Variants in GPHN observed in about 807,000 individuals in gnomAD.
The protein encoded by GPHN is gephyrin.
In GPHN, 17 loss-of-function variants were observed where a neutral mutation model predicts 95.5. That is an observed-to-expected ratio of 0.18 (90% CI 0.12 to 0.27). GPHN has a LOEUF of 0.27. Ranked by LOEUF, GPHN falls within the 10% of genes least tolerant of loss-of-function variation. GPHN has a pLI of 1.00. For missense variants in GPHN, 660 were observed against 978.1 expected (o/e 0.67, Z 4.34); for synonymous variants, 320 against 322.5 (o/e 0.99, Z 0.08).
chr14:67,123,791 TTA>T (rs2079139971), intron 17 of GPHN, among the ~76,000 whole-genome samples: 2 of 152,108 alleles, frequency 1.3e-5, no homozygotes, highest in Non-Finnish European at 2.9e-5. Flanking sequence ...TCTTAAAACA[TTA>T]TGAGATTTTT....
intron 18 of GPHN, among the ~76,000 whole-genome samples, chr14:67,144,521 G>A (rs2080782873): frequency 6.6e-6 from 1 of 151,664 alleles, no homozygotes; most frequent in African/African-American, 2.4e-5. Context: ...AGTGTAAAAT[G>A]TTTTGCCAGC....
the GPHN span, among the ~76,000 whole-genome samples, chr14:67,439,306 TGTA>T: frequency 2.6e-5 from 4 of 152,198 alleles, no homozygotes; most frequent in East Asian, 7.7e-4. Context: ...ATTTTCCTCT[TGTA>T]GTAGTTGTAG....
chr14:67,560,246 C>T, the GPHN span, among the ~76,000 whole-genome samples: 4 of 152,018 alleles, frequency 2.6e-5, no homozygotes, highest in African/African-American at 4.8e-5. Flanking sequence ...AGGCTGGTCT[C>T]GAACTCCTGA....
At chr14:67,551,887 G>T in the GPHN span, among the ~76,000 whole-genome samples, 1 of 151,682 alleles carries the variant, frequency 6.6e-6, no homozygotes, top group African/African-American at 2.4e-5. Context: ...AAAAAAAAAA[G>T]AATGTTGAAC....
chr14:66,850,837 G>T (rs892118296), intron 4 of GPHN, among the ~76,000 whole-genome samples: 2 of 152,046 alleles, frequency 1.3e-5, no homozygotes. Flanking sequence ...GGTTAGGAAA[G>T]TTACATTTCA....
intron 11 of GPHN, among the ~76,000 whole-genome samples, chr14:67,085,429 C>T (rs909936883): frequency 6.6e-6 from 1 of 152,200 alleles, no homozygotes; most frequent in Non-Finnish European, 1.5e-5. Context: ...CATTATTTCT[C>T]TCCTCAGAGT....
chr14:67,165,171 A>G lies in GPHN; in HGVS notation c.1920A>G (p.Thr640=). 1 of 1,608,910 alleles carries G rather than the reference A, an allele frequency of 6.2e-7. No homozygotes were observed. The highest frequency in any genetic ancestry group is 8.5e-7 in the Non-Finnish European group (1 of 1,175,312). Residue 640 remains threonine, a synonymous_variant, in exon 20 of 23, where the codon ACA becomes ACG. Coordinates refer to ENST00000478722, the MANE Select transcript of GPHN (RefSeq NM_020806.5). ...GRVFMKPGLP[T]TFATLDIDGV... is the part of the protein sequence containing the mutation. The stretch of plus-strand genomic sequence containing the variant: ...TCTTTTTTTCTTCTAGCTTGCCAAC[A>G]ACATTTGCAACTTTGGATATTGATG...
chr14:66,562,872 T>C (rs1252505742), intron 1 of GPHN, among the ~76,000 whole-genome samples: 2 of 151,954 alleles, frequency 1.3e-5, no homozygotes, highest in Non-Finnish European at 2.9e-5. Flanking sequence ...TGTCTGTGTG[T>C]GTGTGTGTTT....
intron 1 of GPHN, among the ~76,000 whole-genome samples, chr14:66,666,470 G>T (rs1002291103): frequency 1.3e-5 from 2 of 151,132 alleles, no homozygotes; most frequent in Non-Finnish European, 2.9e-5. Flanking sequence ...ATGCAAACTT[G>T]GTTCATCATT....
chr14:67,541,694 G>A, the GPHN span: 4 of 555,892 alleles, frequency 7.2e-6, no homozygotes, highest in Non-Finnish European at 1.2e-5. Context: ...GGGGATCAGT[G>A]ACCAATTCTC....
chr14:66,880,952 C>A (rs1364253277), intron 5 of GPHN, among the ~76,000 whole-genome samples: 1 of 151,904 alleles, frequency 6.6e-6, no homozygotes, highest in Non-Finnish European at 1.5e-5. Context: ...GATCTCAGAG[C>A]AACCTAAAAA....
chr14:67,077,595 T>C (rs2076546412), intron 11 of GPHN, among the ~76,000 whole-genome samples: 1 of 152,184 alleles, frequency 6.6e-6, no homozygotes, highest in South Asian at 2.1e-4. Context: ...TAGTTCCCTG[T>C]CTTTATTTTT....
At chr14:67,392,885 T>C in the GPHN span, 1 of 1,542,126 alleles carries the variant, frequency 6.5e-7, no homozygotes, top group South Asian at 1.2e-5. Context: ...CGATGGGTGA[T>C]GGACCAGCGT....
intron 1 of GPHN, among the ~76,000 whole-genome samples, chr14:66,545,157 G>A (rs2059499019): frequency 6.6e-6 from 1 of 151,940 alleles, no homozygotes; most frequent in African/African-American, 2.4e-5. Flanking sequence ...AGGGGCGGCC[G>A]GGCAGAGGCG....
intron 4 of GPHN, among the ~76,000 whole-genome samples, chr14:66,878,625 A>T (rs1447666372): frequency 6.6e-6 from 1 of 152,210 alleles, no homozygotes; most frequent in Non-Finnish European, 1.5e-5. Context: ...GCTAAGGGTC[A>T]CTGGTCATTA....
At chr14:67,050,703 A>G (rs2075267971) in intron 10 of GPHN, among the ~76,000 whole-genome samples, 1 of 152,180 alleles carries the variant, frequency 6.6e-6, no homozygotes, top group Non-Finnish European at 1.5e-5. Context: ...CCAACTAAAA[A>G]CAGCTACGGT....
the GPHN span, among the ~76,000 whole-genome samples, chr14:67,460,834 T>C: frequency 6.6e-6 from 1 of 152,216 alleles, no homozygotes; most frequent in African/African-American, 2.4e-5. Context: ...ATATAAATGT[T>C]TTACCTTTCT....
chr14:67,672,966 G>C, the GPHN span, among the ~76,000 whole-genome samples: 1 of 152,176 alleles, frequency 6.6e-6, no homozygotes, highest in Non-Finnish European at 1.5e-5. Context: ...TCTGCTTAAA[G>C]GCATTTGCAG....
chr14:66,592,901 A>C (rs1222546264), intron 1 of GPHN, among the ~76,000 whole-genome samples: 1 of 152,228 alleles, frequency 6.6e-6, no homozygotes, highest in Non-Finnish European at 1.5e-5. Flanking sequence ...AACCAACCCA[A>C]GTGTCCATCA....
Sources: allele counts gnomAD v4.1 joint callset (sites outside exome capture counted in the v4.1 genomes callset), GRCh38; gene constraint gnomAD v4.1.1; transcripts MANE v1.5; gene names NCBI Gene and HGNC (gene_info 2026-07-23, HGNC 2026-07-21).